The following MAGI2 variants were observed in gnomAD, a reference collection of about 807,000 sequenced individuals.
MAGI2 encodes the protein membrane associated guanylate kinase, WW and PDZ domain containing 2.
Under a neutral mutation model 133.3 loss-of-function variants are expected in MAGI2, and 35 were observed. That is an observed-to-expected ratio of 0.26 (90% CI 0.20 to 0.35). The LOEUF is 0.35. MAGI2 is among the 10% of genes least tolerant of loss of function. MAGI2 has a pLI of 1.00. For missense variants in MAGI2, 1,636 were observed against 1,863.4 expected, an observed-to-expected ratio of 0.88 and a Z score of 2.25; for synonymous variants, 729 against 710.6, an observed-to-expected ratio of 1.03 and a Z score of -0.41.
chr7:78,282,575 G>T (rs1481745559), intron 9 of MAGI2, among the ~76,000 whole-genome samples: 1 of 151,914 alleles, frequency 6.6e-6, no homozygotes, highest in African/African-American at 2.4e-5. Context: ...GCTGACCCCT[G>T]CCTTAGACTG....
chr7:78,129,847 A>G (rs2150522750), intron 18 of MAGI2, among the ~76,000 whole-genome samples: 1 of 150,006 alleles, frequency 6.7e-6, no homozygotes, highest in South Asian at 2.1e-4. Context: ...AGGCAGGAGA[A>G]TCGCTTGAAC....
At chr7:78,934,675 A>G (rs1204405355) in intron 2 of MAGI2, among the ~76,000 whole-genome samples, 1 of 152,082 alleles carries the variant, frequency 6.6e-6, no homozygotes, top group African/African-American at 2.4e-5. Flanking sequence ...AATATAAATG[A>G]ATTTTGTGTT....
At chr7:78,172,182 CAAGT>C (rs1826178667) in intron 14 of MAGI2, among the ~76,000 whole-genome samples, 2 of 152,244 alleles carry the variant, frequency 1.3e-5, no homozygotes. Context: ...AAAAAACCAA[CAAGT>C]AAGACACACA....
At chr7:79,223,261 G>A (rs980763098) in intron 1 of MAGI2, among the ~76,000 whole-genome samples, 1 of 151,974 alleles carries the variant, frequency 6.6e-6, no homozygotes, top group Non-Finnish European at 1.5e-5. Flanking sequence ...TTTTTAAATG[G>A]ATTTTTAAAA....
In MAGI2 at chr7:79,186,233, TATATA is replaced by T. The variant is rs1562973200; in HGVS notation, c.302-179032_302-179028del. Among the ~76,000 whole-genome samples, 244 of 124,150 alleles carry T rather than the reference TATATA, an allele frequency of 2.0e-3. 4 individuals are homozygous for T. Among genetic ancestry groups the T allele is most frequent in the African/African-American group, 7.1e-3 (231 of 32,626 alleles). 81.4% of individuals were successfully genotyped at this position (124,150 alleles called of 152,430 possible). A position where few individuals can be genotyped will look rare whatever the true frequency, so the allele number is the denominator to read the frequency against. ...ATATATATATATATATATATATATA[TATATA>T]TATATTTATATTTATTTATTTATAA... is the stretch of plus-strand genomic sequence containing the variant. On this transcript the variant is annotated intron_variant, in intron 1 of 21. Coordinates refer to ENST00000354212, the MANE Select transcript of MAGI2 (RefSeq NM_012301.4).
At chr7:78,258,356 C>G (rs1472190351) in intron 9 of MAGI2, among the ~76,000 whole-genome samples, 2 of 152,058 alleles carry the variant, frequency 1.3e-5, no homozygotes, top group African/African-American at 2.4e-5. Context: ...GACTATTTTT[C>G]TCTCCTGTTT....
intron 6 of MAGI2, among the ~76,000 whole-genome samples, chr7:78,438,397 A>G (rs2151449907): frequency 6.6e-6 from 1 of 152,122 alleles, no homozygotes; most frequent in Middle Eastern, 3.4e-3. Context: ...CATCTCCCAA[A>G]TCAGCCTCTA....
At chr7:79,221,765 T>C (rs1260246053) in intron 1 of MAGI2, among the ~76,000 whole-genome samples, 1 of 152,004 alleles carries the variant, frequency 6.6e-6, no homozygotes, top group African/African-American at 2.4e-5. Flanking sequence ...TTTATAGTTT[T>C]AGAATGGATT....
At chr7:78,253,662 G>C (rs750487168) in intron 10 of MAGI2, 1 of 152,100 alleles carries the variant, frequency 6.6e-6, no homozygotes, top group Admixed American at 6.5e-5. Context: ...ATTTGCTTCT[G>C]GGAGAAAGGA....
chr7:79,037,714 T>C (rs1024249486), intron 1 of MAGI2, among the ~76,000 whole-genome samples: 3 of 152,222 alleles, frequency 2.0e-5, no homozygotes, highest in African/African-American at 7.2e-5. Flanking sequence ...ATGATTTGTT[T>C]GAATGACCAT....
chr7:78,336,499 C>G (rs1789780988), intron 9 of MAGI2, among the ~76,000 whole-genome samples: 1 of 152,050 alleles, frequency 6.6e-6, no homozygotes, highest in African/African-American at 2.4e-5. Flanking sequence ...AAGGCAGGAG[C>G]CTTGCTTCAG....
chr7:78,574,493 A>G (rs572898645), intron 3 of MAGI2, among the ~76,000 whole-genome samples: 1 of 152,350 alleles, frequency 6.6e-6, no homozygotes, highest in South Asian at 2.1e-4. Context: ...ACTATGTCAA[A>G]TTAACTCCAA....
chr7:78,289,977 A>G (rs1430548997), intron 9 of MAGI2, among the ~76,000 whole-genome samples: 1 of 152,224 alleles, frequency 6.6e-6, no homozygotes, highest in Admixed American at 6.5e-5. Flanking sequence ...GAAAGGAACA[A>G]CCGGTACCAG....
At chr7:78,247,891 A>C (rs971778148) in intron 10 of MAGI2, among the ~76,000 whole-genome samples, 2 of 152,202 alleles carry the variant, frequency 1.3e-5, no homozygotes, top group African/African-American at 4.8e-5. Flanking sequence ...TAGGGACAGA[A>C]AGCTTATCTG....
chr7:78,132,696 C>G (rs2074646), intron 18 of MAGI2, among the ~76,000 whole-genome samples, 193 bp downstream of exon 18: 3 of 152,074 alleles, frequency 2.0e-5, no homozygotes, highest in Non-Finnish European at 4.4e-5. Context: ...TTGTGAAGGA[C>G]AGACACTCAG....
In MAGI2 at chr7:78,018,073, TA is replaced by T. The variant is rs1399972442; in HGVS notation, c.*1241del. The T allele has an allele frequency of 2.0e-5, 3 of 152,200 alleles. No individual in the cohort carries two copies. The highest frequency in any genetic ancestry group is 7.2e-5 in the African/African-American group (3 of 41,444). 9.4% of individuals were successfully genotyped at this position (152,200 alleles called of 1,614,324 possible). A position where few individuals can be genotyped will look rare whatever the true frequency, so the allele number is the denominator to read the frequency against. ...GGAAGAAAGGCAAGACTTAGAATTT[TA>T]CTAGGAGGTCAATCATAGATCCATG... On this transcript the variant is annotated 3_prime_UTR_variant, in exon 22 of 22. Transcript: ENST00000354212.
chr7:78,739,309 C>A (rs902761248), intron 2 of MAGI2, among the ~76,000 whole-genome samples: 3 of 152,128 alleles, frequency 2.0e-5, no homozygotes, highest in Admixed American at 2.0e-4. Context: ...TATAGGAATG[C>A]AGAGCAGTTG....
chr7:78,273,610 A>G (rs905097027), intron 9 of MAGI2, among the ~76,000 whole-genome samples: 15 of 151,778 alleles, frequency 9.9e-5, no homozygotes, highest in Admixed American at 7.2e-4. Context: ...ATAGTTCCAT[A>G]TTTCTTGGAG....
intron 9 of MAGI2, among the ~76,000 whole-genome samples, chr7:78,336,795 AAAAG>A (rs1437699845): frequency 9.9e-5 from 15 of 152,024 alleles, no homozygotes; most frequent in Non-Finnish European, 2.2e-4. Context: ...AAAGAAGAAA[AAAAG>A]AAGAGAAAGA....
Sources: gnomAD v4.1 joint callset for allele counts (sites outside exome capture counted in the v4.1 genomes callset) on GRCh38, gnomAD v4.1.1 for gene constraint, MANE v1.5 for transcripts, NCBI Gene and HGNC (gene_info 2026-07-23, HGNC 2026-07-21) for gene names.